Variants in SLC45A4 observed in about 807,000 individuals in gnomAD.
The protein encoded by SLC45A4 is solute carrier family 45 member 4.
Under a neutral mutation model 63.7 loss-of-function variants are expected in SLC45A4, and 32 were observed. The observed-to-expected ratio is 0.50, with a 90% CI of 0.38 to 0.67. The LOEUF (loss-of-function observed/expected upper bound fraction) is 0.67, where lower values mean the gene tolerates loss of function less well. Among genes scored for constraint, SLC45A4 ranks in the 30% least tolerant of loss-of-function variants. SLC45A4 has a pLI of 0.00. For synonymous variants in SLC45A4, 535 were observed against 510.0 expected, an observed-to-expected ratio of 1.05 and a Z score of -0.66; for missense variants, 1,027 against 1,157.7, an observed-to-expected ratio of 0.89 and a Z score of 1.64.
At chr8:141,247,232 G>T (rs1451193650) in intron 2 of SLC45A4, among the ~76,000 whole-genome samples, 1 of 98,762 alleles carries the variant, frequency 1.0e-5, no homozygotes, top group Admixed American at 9.0e-5. Context: ...AAATTGCAAG[G>T]TATAAGGTCA....
intron 1 of SLC45A4, among the ~76,000 whole-genome samples, chr8:141,291,476 G>T (rs975016870): frequency 1.1e-4 from 16 of 152,136 alleles, no homozygotes; most frequent in Admixed American, 4.6e-4. Context: ...AACAAAAAAG[G>T]GGGGGCAAAT....
At position 141,214,740 on chromosome 8, in the gene SLC45A4, G is replaced by A. The variant is rs181181307; in HGVS notation, c.1941+1019C>T. 9.2e-5 allele frequency among the ~76,000 whole-genome samples: 14 copies of A among 152,302 alleles called. No individual in the cohort carries two copies. In the East Asian group the frequency reaches 2.7e-3, roughly 29 times the overall value. On this transcript the variant is annotated intron_variant, in intron 7 of 8. Coordinates refer to ENST00000517878, the MANE Select transcript of SLC45A4 (RefSeq NM_001286646.2). Reference sequence around the variant, plus strand: ...TTTGTGCAAGAATAGAGAGACTAGCGGAAGAGAAGAGAGCGGAAACACATG... The same window carrying A: ...TTTGTGCAAGAATAGAGAGACTAGCAGAAGAGAAGAGAGCGGAAACACATG...
chr8:141,268,877 G>A (rs1337265443), intron 1 of SLC45A4, among the ~76,000 whole-genome samples: 1 of 152,208 alleles, frequency 6.6e-6, no homozygotes, highest in Non-Finnish European at 1.5e-5. Flanking sequence ...CAGCTTGGCT[G>A]CCTCTGATCA....
intron 2 of SLC45A4, among the ~76,000 whole-genome samples, chr8:141,241,795 G>A (rs1827932231): frequency 6.6e-6 from 1 of 152,126 alleles, no homozygotes; most frequent in Non-Finnish European, 1.5e-5. Flanking sequence ...GCACTAGGAG[G>A]GACCACTGCT....
intron 1 of SLC45A4, among the ~76,000 whole-genome samples, chr8:141,296,578 G>A (rs1296998566): frequency 2.0e-5 from 3 of 147,640 alleles, no homozygotes; most frequent in South Asian, 2.2e-4. Context: ...GCTCACGCCA[G>A]TAATCCTAGC....
Position 141,212,327 on chromosome 8 carries a change from T to A in SLC45A4, c.2171A>T (p.Lys724Met). Residue 724 changes from lysine to methionine, a missense_variant, in exon 8 of 9, where the codon AAG (lysine) becomes ATG (methionine). Coordinates refer to ENST00000517878, the MANE Select transcript of SLC45A4 (RefSeq NM_001286646.2). Reference protein sequence around the residue: ...VIYPNVSEEAKEEQKGLSSPL... With the variant: ...VIYPNVSEEAMEEQKGLSSPL... ...GGAAGACAGGCCTTTCTGCTCCTCC[T>A]TGGCCTCCTCTGACACGTTGGGATA... is the stretch of plus-strand genomic sequence containing the variant. The A allele has an allele frequency of 6.2e-7, 1 of 1,612,756 alleles. No individual in the cohort carries two copies. The highest frequency in any genetic ancestry group is 8.5e-7 in the Non-Finnish European group (1 of 1,179,380).
chr8:141,286,351 A>G (rs973073100), intron 1 of SLC45A4, among the ~76,000 whole-genome samples: 4 of 152,168 alleles, frequency 2.6e-5, no homozygotes, highest in Admixed American at 2.0e-4. Context: ...CTGTGCCCTC[A>G]GGAAACTCAG....
chr8:141,231,318 C>T (rs1020219458), intron 2 of SLC45A4, among the ~76,000 whole-genome samples: 1 of 152,202 alleles, frequency 6.6e-6, no homozygotes, highest in Non-Finnish European at 1.5e-5. Flanking sequence ...GGTGCCTGGG[C>T]TGGGACACGC....
At chr8:141,276,929 T>C (rs1356219811) in intron 1 of SLC45A4, among the ~76,000 whole-genome samples, 2 of 152,214 alleles carry the variant, frequency 1.3e-5, no homozygotes, top group Non-Finnish European at 2.9e-5. Context: ...CATTAATTCC[T>C]AGGTGCTGAC....
chr8:141,223,493 C>T (rs1243486568), intron 2 of SLC45A4, among the ~76,000 whole-genome samples: 2 of 152,252 alleles, frequency 1.3e-5, no homozygotes, highest in Non-Finnish European at 2.9e-5. Flanking sequence ...ACTCCCACCA[C>T]ATGCAGACTG....
In SLC45A4 at chr8:141,254,207, G is replaced by A. The variant is rs1482704425; in HGVS notation, c.23C>T (p.Ala8Val). Reference protein sequence around the residue: MKMAPQNADPESMQVQEL... With the variant: MKMAPQNVDPESMQVQEL... ...TTGAACTTGCATAGATTCCGGGTCG[G>A]CATTCTGCGGAGCCATTTTCATTAC... Residue 8 changes from alanine (A) to valine (V), a missense_variant, in exon 2 of 9, where the codon GCC (alanine) becomes GTC (valine). Coordinates refer to ENST00000517878, the MANE Select transcript of SLC45A4 (RefSeq NM_001286646.2). This position sits in a 1 kb window ranked among gnomAD's most constrained non-coding sequence, Gnocchi z 4.5. 7.8e-6 allele frequency: 12 copies of A among 1,534,268 alleles called. No individual in the cohort carries two copies. Among genetic ancestry groups the A allele is most frequent in the African/African-American group, 1.4e-5 (1 of 72,996 alleles).
At chr8:141,297,041 G>A (rs1264487781) in intron 1 of SLC45A4, among the ~76,000 whole-genome samples, 1 of 152,124 alleles carries the variant, frequency 6.6e-6, no homozygotes, top group Non-Finnish European at 1.5e-5. Flanking sequence ...TACGGTACGT[G>A]TTTGAAGCAG....
chr8:141,263,256 CTAA>C (rs1170582227), intron 1 of SLC45A4, among the ~76,000 whole-genome samples: 1 of 151,064 alleles, frequency 6.6e-6, no homozygotes, highest in Non-Finnish European at 1.5e-5. Context: ...AGAGATATAC[CTAA>C]TGTTAAATGA....
chr8:141,280,230 C>CT (rs1589846717), intron 1 of SLC45A4, among the ~76,000 whole-genome samples: 1 of 152,250 alleles, frequency 6.6e-6, no homozygotes, highest in Non-Finnish European at 1.5e-5. Flanking sequence ...CACGTGCCCC[C>CT]TGCCCACCCT....
At chr8:141,304,575 G>GC (rs1830843886) in intron 1 of SLC45A4, among the ~76,000 whole-genome samples, 4 of 150,344 alleles carry the variant, frequency 2.7e-5, no homozygotes, top group Non-Finnish European at 5.9e-5. Context: ...AAAAAAAAAG[G>GC]GGGGGAGAGA....
At chr8:141,258,891 T>C (rs1188723968) in intron 1 of SLC45A4, among the ~76,000 whole-genome samples, 1 of 124,254 alleles carries the variant, frequency 8.0e-6, no homozygotes, top group Non-Finnish European at 1.8e-5. Flanking sequence ...ACCTCTTTTT[T>C]TTAAAAAAAA....
chr8:141,271,056 G>A (rs912653865), intron 1 of SLC45A4, among the ~76,000 whole-genome samples: 3 of 152,214 alleles, frequency 2.0e-5, no homozygotes, highest in African/African-American at 7.2e-5. Flanking sequence ...TCCCACAAAG[G>A]CTCTGACTGA....
At chr8:141,293,795 T>C (rs1008600450) in intron 1 of SLC45A4, among the ~76,000 whole-genome samples, 1 of 151,960 alleles carries the variant, frequency 6.6e-6, no homozygotes, top group African/African-American at 2.4e-5. Context: ...CAGCTGGGCG[T>C]GGTGGTGCAC....
chr8:141,297,650 C>T (rs13266084), intron 1 of SLC45A4, among the ~76,000 whole-genome samples: 21,029 of 152,158 alleles, frequency 0.14, 1,745 homozygotes, highest in Non-Finnish European at 0.19. Context: ...GGAACCAACC[C>T]GGGACTGACA....
Sources: allele counts gnomAD v4.1 joint callset (sites outside exome capture counted in the v4.1 genomes callset), GRCh38; gene constraint gnomAD v4.1.1; non-coding constraint Gnocchi (gnomAD v3.1); transcripts MANE v1.5; gene names NCBI Gene and HGNC (gene_info 2026-07-23, HGNC 2026-07-21).